MSTO1: variants seen among roughly 807,000 people sequenced by gnomAD.
The protein encoded by MSTO1 is protein misato homolog 1.
A neutral mutation model predicts 55.7 loss-of-function variants in MSTO1; 24 were observed. The ratio of observed to expected loss-of-function variants is 0.43; its 90% CI spans 0.31 to 0.61. The LOEUF is 0.61. MSTO1 is among the 20% of genes least tolerant of loss of function. The pLI is 0.09. For synonymous variants in MSTO1, 162 were observed against 252.8 expected (o/e 0.64, Z 3.41); for missense variants, 363 against 625.7 (o/e 0.58, Z 4.48).
chr1:155,572,060 G>T, the MSTO1 span, among the ~76,000 whole-genome samples: 2 of 147,788 alleles, frequency 1.4e-5, no homozygotes, highest in African/African-American at 5.0e-5. Context: ...AAAAAAAAAA[G>T]AAATTAGTCT....
At chr1:155,601,514 A>G in the MSTO1 span, among the ~76,000 whole-genome samples, 1 of 152,020 alleles carries the variant, frequency 6.6e-6, no homozygotes, top group Non-Finnish European at 1.5e-5. Flanking sequence ...GTTCACCAGC[A>G]ATTTGAGAGG....
upstream of MSTO1, among the ~76,000 whole-genome samples, chr1:155,607,473 C>T (rs548756926): frequency 6.6e-6 from 1 of 152,256 alleles, no homozygotes; most frequent in East Asian, 1.9e-4. Context: ...CGCGCCTAGC[C>T]GAGTTTAGGT....
chr1:155,569,721 T>G, the MSTO1 span, among the ~76,000 whole-genome samples: 1 of 151,958 alleles, frequency 6.6e-6, no homozygotes, highest in South Asian at 2.1e-4. Flanking sequence ...ACAAGCATGA[T>G]CCACTGCACC....
chr1:155,614,903 C>T lies in MSTO1; in HGVS notation c.*630C>T, dbSNP rs1199339502. On this transcript the variant is annotated 3_prime_UTR_variant, in exon 14 of 14. Transcript: ENST00000245564. ...AGGAGGAGGGCTGTATTCACTGATC[C>T]TTAGTAACATGTTAACATTTATGAA... 6.3e-6 allele frequency: 9 copies of T among 1,418,536 alleles called. No homozygotes were observed. The highest frequency in any genetic ancestry group is 1.7e-4 in the Middle Eastern group (1 of 5,744). 87.9% of individuals were successfully genotyped at this position (1,418,536 alleles called of 1,614,324 possible).
chr1:155,574,002 CAG>C, the MSTO1 span, among the ~76,000 whole-genome samples: 1 of 152,018 alleles, frequency 6.6e-6, no homozygotes, highest in Non-Finnish European at 1.5e-5. Context: ...ATGTTGGTGA[CAG>C]ATTTTAAAAA....
chr1:155,585,522 C>CAAAAAAA, the MSTO1 span, among the ~76,000 whole-genome samples: 1 of 56,868 alleles, frequency 1.8e-5, no homozygotes. Context: ...GACTCCGTCT[C>CAAAAAAA]AAAAAAAAAA....
the MSTO1 span, among the ~76,000 whole-genome samples, chr1:155,571,178 G>T: frequency 6.6e-6 from 1 of 152,094 alleles, no homozygotes; most frequent in Non-Finnish European, 1.5e-5. Context: ...AAATTAGCCA[G>T]TCATGGTGGT....
chr1:155,572,888 G>C, the MSTO1 span, among the ~76,000 whole-genome samples: 1 of 151,990 alleles, frequency 6.6e-6, no homozygotes, highest in Non-Finnish European at 1.5e-5. Flanking sequence ...GACCTCAGGC[G>C]ATCCACCCGC....
At chr1:155,565,628 T>A in the MSTO1 span, among the ~76,000 whole-genome samples, 1 of 152,062 alleles carries the variant, frequency 6.6e-6, no homozygotes, top group African/African-American at 2.4e-5. Flanking sequence ...GAAAAAAAAA[T>A]GCCTTTACTG....
At chr1:155,608,524 G>A (rs990517228), upstream of MSTO1, among the ~76,000 whole-genome samples, 1 of 146,458 alleles carries the variant, frequency 6.8e-6, no homozygotes, top group African/African-American at 2.5e-5. Flanking sequence ...TTTTGAGATG[G>A]AGTCTGGCTC....
At chr1:155,609,891 A>G, upstream of MSTO1, 1 of 251,436 alleles carries the variant, frequency 4.0e-6, no homozygotes, top group Non-Finnish European at 7.7e-6. Flanking sequence ...CAGCGGAGAG[A>G]TCTGTGAGAA....
the MSTO1 span, among the ~76,000 whole-genome samples, chr1:155,588,069 C>T: frequency 6.6e-6 from 1 of 151,698 alleles, no homozygotes; most frequent in Non-Finnish European, 1.5e-5. Flanking sequence ...ATTAGCCAGG[C>T]GTGGTGCCAG....
At chr1:155,590,613 C>G in the MSTO1 span, 1 of 1,341,910 alleles carries the variant, frequency 7.5e-7, no homozygotes, top group East Asian at 2.3e-5. Flanking sequence ...AGACGTAATT[C>G]TTGGTAGGGT....
chr1:155,600,556 C>CTTTCTTTTTTTTT, the MSTO1 span, among the ~76,000 whole-genome samples: 51 of 149,892 alleles, frequency 3.4e-4, no homozygotes, highest in African/African-American at 1.2e-3. Flanking sequence ...TTTTTTCTTT[C>CTTTCTTTTTTTTT]TTTTTTTTTG....
At chr1:155,612,651 G>A (rs1377855490) in intron 9 of MSTO1, 81 bp downstream of exon 9, 3 of 1,516,848 alleles carry the variant, frequency 2.0e-6, no homozygotes, top group Non-Finnish European at 1.8e-6. Context: ...TCTGTTACTG[G>A]CTCTGTTCTT....
chr1:155,612,524 G>A lies in MSTO1; in HGVS notation c.920G>A (p.Gly307Asp), dbSNP rs751943144. ...VCPLSLGGSL[G>D]LRPEPPVSFP... Reference sequence around the variant, plus strand: ...CCCTTGTCCTTGGGTGGGAGCCTGGGCCTGCGACCCGAGCCACCTGTCAGC... The same window carrying A: ...CCCTTGTCCTTGGGTGGGAGCCTGGACCTGCGACCCGAGCCACCTGTCAGC... Residue 307 changes from glycine to aspartate, a missense_variant, in exon 9 of 14, where the codon GGC (glycine) becomes GAC (aspartate). This residue lies in a region of MSTO1 where 231 missense variants were observed against 286.9 expected (regional missense o/e 0.81). Transcript: ENST00000245564. 113 of 1,613,406 alleles carry A rather than the reference G, an allele frequency of 7.0e-5. 1 individual carries two copies. The South Asian group carries it at 1.2e-3, about 17-fold the overall frequency.
At chr1:155,563,288 T>C in the MSTO1 span, 2 of 456,156 alleles carry the variant, frequency 4.4e-6, no homozygotes, top group East Asian at 1.4e-4. Flanking sequence ...GCAGGCGGTG[T>C]GTGCCGGTCG....
At chr1:155,575,644 A>T in the MSTO1 span, among the ~76,000 whole-genome samples, 1 of 151,704 alleles carries the variant, frequency 6.6e-6, no homozygotes, top group East Asian at 1.9e-4. Flanking sequence ...AGGTCTCATT[A>T]TGTTACCCAG....
rs767659313 is a variant in MSTO1 at position 155,612,859 on chromosome 1, C to T, written c.982C>T (p.His328Tyr). The change falls in exon 10 of 14, where the codon CAC (histidine) becomes TAC (tyrosine). Residue 328 changes from histidine to tyrosine, a missense_variant. This residue lies in a region of MSTO1 where 231 missense variants were observed against 286.9 expected (regional missense o/e 0.81). Transcript: ENST00000245564. The part of the protein sequence containing the change: ...YLHYDATLPF[H>Y]CSAILATALD... ...CTTCTTACAGGCCACTCTGCCCTTC[C>T]ACTGCAGTGCCATCCTGGCTACAGC... is the stretch of plus-strand genomic sequence containing the variant. 2 of 1,613,798 alleles carry T rather than the reference C, an allele frequency of 1.2e-6. No homozygotes were observed. Among genetic ancestry groups the T allele is most frequent in the Non-Finnish European group, 1.7e-6 (2 of 1,179,850 alleles).
Sources: allele counts gnomAD v4.1 joint callset (sites outside exome capture counted in the v4.1 genomes callset), GRCh38; gene constraint gnomAD v4.1.1; regional missense constraint gnomAD v4.1.1; transcripts MANE v1.5; gene names NCBI Gene and HGNC (gene_info 2026-07-23, HGNC 2026-07-21).